Variants in SYT16 observed in about 807,000 individuals in gnomAD.
SYT16 encodes synaptotagmin-16.
In SYT16, 42 loss-of-function variants were observed where a neutral mutation model predicts 61.4. The observed-to-expected ratio is 0.68, with a 90% CI of 0.53 to 0.89. The LOEUF is 0.89. SYT16 is among the 40% of genes least tolerant of loss of function. SYT16 has a pLI of 0.00. For synonymous variants in SYT16, 314 were observed against 302.3 expected (o/e 1.04, Z -0.40); for missense variants, 804 against 807.3 (o/e 1.00, Z 0.05).
At chr14:62,063,244 C>T (rs1383895758) in intron 3 of SYT16, among the ~76,000 whole-genome samples, 2 of 152,172 alleles carry the variant, frequency 1.3e-5, no homozygotes, top group African/African-American at 4.8e-5. Context: ...TTCTCAAAGT[C>T]AGACCCTGGG....
intron 3 of SYT16, among the ~76,000 whole-genome samples, chr14:62,026,231 G>T (rs1014434042): frequency 1.3e-5 from 2 of 152,080 alleles, no homozygotes; most frequent in Non-Finnish European, 2.9e-5. Context: ...CCATACAATT[G>T]TCATATCAAA....
chr14:61,814,576 C>T (rs868613466), intron 1 of SYT16, among the ~76,000 whole-genome samples: 50 of 152,182 alleles, frequency 3.3e-4, no homozygotes, highest in Admixed American at 3.2e-3. Flanking sequence ...ATATGGTATA[C>T]TCAACTGTAC....
intron 1 of SYT16, among the ~76,000 whole-genome samples, chr14:61,934,252 T>C (rs527569469): frequency 6.6e-6 from 1 of 152,354 alleles, no homozygotes; most frequent in Admixed American, 6.5e-5. Context: ...ATTTTTCTAT[T>C]TCTTCAAATC....
At chr14:61,966,410 A>G (rs575100748) in intron 1 of SYT16, among the ~76,000 whole-genome samples, 2 of 152,242 alleles carry the variant, frequency 1.3e-5, no homozygotes, top group Admixed American at 6.5e-5. Flanking sequence ...CATCATTTTT[A>G]TATTTTCTAA....
intron 1 of SYT16, among the ~76,000 whole-genome samples, chr14:61,926,279 G>A (rs1310669112): frequency 6.6e-6 from 1 of 152,108 alleles, no homozygotes; most frequent in African/African-American, 2.4e-5. Flanking sequence ...CTGTCTGGTT[G>A]AAACTCATGG....
intron 7 of SYT16, among the ~76,000 whole-genome samples, chr14:62,085,837 CTT>C (rs2056867368): frequency 6.6e-6 from 1 of 152,208 alleles, no homozygotes; most frequent in African/African-American, 2.4e-5. Context: ...TAGCTAGACT[CTT>C]TTTGCTAGAT....
At chr14:62,024,631 A>T (rs984779813) in intron 3 of SYT16, among the ~76,000 whole-genome samples, 1 of 152,034 alleles carries the variant, frequency 6.6e-6, no homozygotes, top group African/African-American at 2.4e-5. Context: ...GCAATGAAAC[A>T]TCATTATCAC....
intron 1 of SYT16, among the ~76,000 whole-genome samples, chr14:61,854,489 A>G (rs1159975119): frequency 1.3e-5 from 2 of 152,200 alleles, no homozygotes; most frequent in African/African-American, 2.4e-5. Context: ...CACTATTACT[A>G]TAGTAAGAAA....
intron 3 of SYT16, among the ~76,000 whole-genome samples, chr14:62,008,680 A>G: frequency 6.6e-6 from 1 of 150,628 alleles, no homozygotes; most frequent in Non-Finnish European, 1.5e-5. Context: ...AACTACATAT[A>G]ACATAATTTT....
chr14:61,942,244 A>C (rs554324991), intron 1 of SYT16, among the ~76,000 whole-genome samples: 2 of 152,230 alleles, frequency 1.3e-5, no homozygotes, highest in African/African-American at 4.8e-5. Context: ...TCCCTTTTTC[A>C]AGTCTTGTTT....
intron 7 of SYT16, among the ~76,000 whole-genome samples, chr14:62,092,979 C>T (rs2057141761): frequency 6.6e-6 from 1 of 151,892 alleles, no homozygotes; most frequent in Admixed American, 6.6e-5. Flanking sequence ...AGAAATATGA[C>T]AGCTGGATGT....
chr14:61,817,847 A>G (rs2140209251), intron 1 of SYT16, among the ~76,000 whole-genome samples: 1 of 152,324 alleles, frequency 6.6e-6, no homozygotes, highest in East Asian at 1.9e-4. Context: ...GGCTTTAGGA[A>G]AAAAGGATAT....
intron 3 of SYT16, among the ~76,000 whole-genome samples, chr14:62,066,145 G>T (rs2056051740): frequency 6.6e-6 from 1 of 152,156 alleles, no homozygotes; most frequent in African/African-American, 2.4e-5. Context: ...AGATGATCCA[G>T]ACCTTTAAAA....
chr14:62,005,549 G>A (rs2053188309), intron 3 of SYT16, among the ~76,000 whole-genome samples: 1 of 152,120 alleles, frequency 6.6e-6, no homozygotes, highest in Non-Finnish European at 1.5e-5. Flanking sequence ...TTAGCTTCCT[G>A]GAAGTTTTCA....
intron 1 of SYT16, chr14:61,832,280 G>T (rs2045963433): frequency 1.7e-6 from 1 of 594,840 alleles, no homozygotes; most frequent in Non-Finnish European, 3.3e-6. Context: ...CATAGTCATC[G>T]CTCTTCACAA....
rs567339964 is a variant in SYT16 at position 61,826,950 on chromosome 14, T to C, written c.-325+14140T>C. ...TACCAGGGTGGAGGAGAGAAAGCTC[T>C]CGTGTTTTTTCCACTCTGCGGAAGC... On this transcript the variant is annotated intron_variant, in intron 1 of 7. Transcript: ENST00000683842. 2.6e-5 allele frequency among the ~76,000 whole-genome samples: 4 copies of C among 152,088 alleles called. No homozygotes were observed. The East Asian group carries it at 7.7e-4, about 29-fold the overall frequency.
chr14:61,987,615 T>G lies in SYT16; in HGVS notation c.-144-8261T>G, dbSNP rs964271828. ...AGCAATTCTAAAGGAGAAAGAGTTG[T>G]CAAAGGTAATTATTAGTTTCCTATA... On this transcript the variant is annotated intron_variant, in intron 2 of 7. Transcript: ENST00000683842. 1.5e-4 allele frequency among the ~76,000 whole-genome samples: 23 copies of G among 152,280 alleles called. 1 individual carries two copies. Among genetic ancestry groups the G allele is most frequent in the Admixed American group, 1.5e-3 (23 of 15,274 alleles).
chr14:62,032,637 C>G (rs1449027735), intron 3 of SYT16, among the ~76,000 whole-genome samples: 1 of 151,426 alleles, frequency 6.6e-6, no homozygotes, highest in Non-Finnish European at 1.5e-5. Flanking sequence ...ATTAGTTTTG[C>G]AAGCAAAACT....
At chr14:61,833,501 A>G (rs1195145191) in intron 1 of SYT16, among the ~76,000 whole-genome samples, 1 of 151,770 alleles carries the variant, frequency 6.6e-6, no homozygotes, top group African/African-American at 2.4e-5. Flanking sequence ...CATGTTGGTC[A>G]GGCTGGTCTC....
Sources: gnomAD v4.1 joint callset for allele counts (sites outside exome capture counted in the v4.1 genomes callset) on GRCh38, gnomAD v4.1.1 for gene constraint, MANE v1.5 for transcripts, NCBI Gene and HGNC (gene_info 2026-07-23, HGNC 2026-07-21) for gene names.